CDC42BPG: variants seen among roughly 807,000 people sequenced by gnomAD.
The protein encoded by CDC42BPG is serine/threonine-protein kinase MRCK gamma.
Under a neutral mutation model 192.2 loss-of-function variants are expected in CDC42BPG, and 157 were observed. The observed-to-expected ratio is 0.82, with a 90% CI of 0.72 to 0.93. CDC42BPG has a LOEUF of 0.93. Among genes scored for constraint, CDC42BPG ranks in the 40% least tolerant of loss-of-function variants. The probability of loss-of-function intolerance (pLI) is 0.00; values close to 1 mark genes in which losing one functional copy is unlikely to be tolerated. For missense variants in CDC42BPG, 1,992 were observed against 2,122.1 expected, an observed-to-expected ratio of 0.94 and a Z score of 1.20; for synonymous variants, 981 against 918.5, an observed-to-expected ratio of 1.07 and a Z score of -1.23.
Position 64,834,874 on chromosome 11 carries a change from G to A in CDC42BPG, c.2150C>T (p.Thr717Ile). 6.2e-7 allele frequency: 1 copy of A among 1,613,814 alleles called. No individual in the cohort carries two copies. The highest frequency in any genetic ancestry group is 1.1e-5 in the South Asian group (1 of 91,068). The change falls in exon 18 of 37, where the codon ACC (threonine) becomes ATC (isoleucine). Residue 717 changes from threonine (T) to isoleucine (I), a missense_variant. Transcript: ENST00000342711. The stretch of plus-strand genomic sequence containing the variant: ...CAGTGGCCGGGCAGGGAGCGTCTGG[G>A]TGCCTACGTTCCTCAAGGACTCCAG... The part of the protein sequence containing the change: ...EELESLRNVG[T>I]QTLPARPLDH...
At chr11:64,827,909 C>A in intron 30 of CDC42BPG, 126 bp from the exon 31 acceptor site, 6 of 748,912 alleles carry the variant, frequency 8.0e-6, no homozygotes, top group Non-Finnish European at 1.3e-5. Flanking sequence ...GACTCCCTGT[C>A]GCCCGGCCCA....
intron 27 of CDC42BPG, among the ~76,000 whole-genome samples, chr11:64,832,104 C>T (rs1397495869): frequency 6.6e-6 from 1 of 152,232 alleles, no homozygotes; most frequent in African/African-American, 2.4e-5. Context: ...ATGTGGTGCA[C>T]ACAGGCACAG....
rs138884644 is a variant in CDC42BPG at position 64,829,858 on chromosome 11, C to T, written c.3580G>A (p.Val1194Met). ...TGGCGCTTGACGGCTACACAGAGCA[C>T]CGGGGTGCGGGCCTGCAGGATGCTT... ...AGSILQARTP[V>M]LCVAVKRQVL... The change falls in exon 30 of 37, where the codon GTG (valine) becomes ATG (methionine). Residue 1194 changes from valine (V) to methionine (M), a missense_variant. Transcript: ENST00000342711. 9.0e-5 allele frequency: 144 copies of T among 1,608,032 alleles called. No individual in the cohort carries two copies. Among genetic ancestry groups the T allele is most frequent in the Admixed American group, 6.7e-4 (39 of 58,410 alleles).
chr11:64,824,591 CT>C (rs1164146239), intron 36 of CDC42BPG, 62 bp from the exon 37 acceptor site: 1 of 1,199,082 alleles, frequency 8.3e-7, no homozygotes, highest in Non-Finnish European at 1.2e-6. Flanking sequence ...CCTCATAGGG[CT>C]GGTGGGTCCT....
rs779351880 is a variant in CDC42BPG, at chr11:64,840,524, TC to T, written c.432+28del. On this transcript the variant is annotated intron_variant, in intron 4 of 36. Transcript: ENST00000342711. ...GCCCTCTCCTGTGTCCCTAGGATGT[TC>T]CCCTCCAGCCCCGCCACGTATCCTC... The T allele has an allele frequency of 5.5e-5, 89 of 1,605,488 alleles. No homozygotes were observed. The South Asian group carries it at 9.8e-4, about 18-fold the overall frequency.
At position 64,831,545 on chromosome 11, in the gene CDC42BPG, C is replaced by A. The variant is rs763389278; in HGVS notation, c.3264G>T (p.Gly1088=). 3.1e-6 allele frequency: 5 copies of A among 1,611,600 alleles called. No individual in the cohort carries two copies. The African/African-American group carries it at 6.7e-5, about 22-fold the overall frequency. The part of the protein sequence containing the change: ...VYTLKEAYDN[G]LPLLPHTLCA... ...AGAGCGTGTGAGGCAGCAGCGGCAG[C>A]CCGTTGTCGTAAGCCTCCTTGAGTG... The change falls in exon 28 of 37, where the codon GGG becomes GGT. Residue 1088 remains glycine (G), a synonymous_variant. Transcript: ENST00000342711.
At position 64,834,274 on chromosome 11, in the gene CDC42BPG, C is replaced by A. The variant is rs1375349746; in HGVS notation, c.2405G>T (p.Gly802Val). ...AMLREELRAR[G>V]PVDTKPSNSL... The stretch of plus-strand genomic sequence containing the variant: ...AGTTGGCAGCCACTCACCCACTGGC[C>A]CTCGGGCCCGCAGCTCCTCCCGCAG... Residue 802 changes from glycine to valine, a missense_variant, in exon 20 of 37, where the codon GGG (glycine) becomes GTG (valine). By Grantham distance (109) the Gly-to-Val change is moderately radical. Coordinates refer to ENST00000342711, the MANE Select transcript of CDC42BPG (RefSeq NM_017525.3). 1 of 1,571,660 alleles carries A rather than the reference C, an allele frequency of 6.4e-7. No individual in the cohort carries two copies. Among genetic ancestry groups the A allele is most frequent in the Non-Finnish European group, 8.6e-7 (1 of 1,164,678 alleles).
At position 64,829,549 on chromosome 11, in the gene CDC42BPG, C is replaced by T. The variant is rs1445705603; in HGVS notation, c.3889G>A (p.Ala1297Thr). The change falls in exon 30 of 37, where the codon GCT (alanine) becomes ACT (threonine). Residue 1297 changes from alanine to threonine, a missense_variant. By Grantham distance (58) the Ala-to-Thr change is moderately conservative. Around this residue, in one of 2 missense-constraint regions of CDC42BPG, gnomAD observed 1,656 missense variants for 1,844.3 expected, o/e 0.90. Coordinates refer to ENST00000342711, the MANE Select transcript of CDC42BPG (RefSeq NM_017525.3). ...CCTGCGCCATCCACGTAGATGCCAG[C>T]AGTGGTGAAGAGTAGCAGGAACTCG... Reference protein sequence around the residue: ...LSEFLLLFTTAGIYVDGAGRK... With the variant: ...LSEFLLLFTTTGIYVDGAGRK... The T allele has an allele frequency of 1.9e-6, 3 of 1,612,786 alleles. No homozygotes were observed. In the Admixed American group the frequency reaches 5.0e-5, roughly 27 times the overall value.
At position 64,836,108 on chromosome 11, in the gene CDC42BPG, GT is replaced by G; in HGVS notation, c.1668+8del. ...CCAGGTGCTGTCCCTACCCACCCTG[GT>G]CACTCACCTCCCTCTGGGCAGCCCG... On this transcript the variant is annotated splice_region_variant and intron_variant, in intron 13 of 36. Coordinates refer to ENST00000342711, the MANE Select transcript of CDC42BPG (RefSeq NM_017525.3). 6.3e-7 allele frequency: 1 copy of G among 1,594,254 alleles called. No individual in the cohort carries two copies.
chr11:64,828,348 G>A (rs1312892846), intron 30 of CDC42BPG, among the ~76,000 whole-genome samples: 1 of 152,154 alleles, frequency 6.6e-6, no homozygotes, highest in Non-Finnish European at 1.5e-5. Context: ...TGCCACCCTG[G>A]GCTGGGGGCT....
At chr11:64,836,620 G>T (rs921734995) in intron 11 of CDC42BPG, 90 bp from the exon 12 acceptor site, 2 of 1,328,750 alleles carry the variant, frequency 1.5e-6, no homozygotes, top group Admixed American at 1.8e-5. Flanking sequence ...TCCCACACGC[G>T]GGCTCAGAGA....
intron 1 of CDC42BPG, among the ~76,000 whole-genome samples, chr11:64,842,294 C>T (rs1361366786): frequency 1.3e-5 from 2 of 152,192 alleles, no homozygotes; most frequent in African/African-American, 4.8e-5. Flanking sequence ...GGCCCCCTCA[C>T]AGGTTCAGGC....
intron 5 of CDC42BPG, 151 bp downstream of exon 5, chr11:64,839,969 G>T: frequency 1.3e-6 from 1 of 786,118 alleles, no homozygotes; most frequent in Non-Finnish European, 2.0e-6. Context: ...AGGGCTCTTT[G>T]GTATGATTCC....
rs770301966 is a variant in CDC42BPG at position 64,840,311 on chromosome 11, C to T, written c.433-43G>A. The T allele has an allele frequency of 5.6e-6, 9 of 1,597,752 alleles. No individual in the cohort carries two copies. In the East Asian group the frequency reaches 1.1e-4, roughly 20 times the overall value. On this transcript the variant is annotated intron_variant, in intron 4 of 36. Coordinates refer to ENST00000342711, the MANE Select transcript of CDC42BPG (RefSeq NM_017525.3). ...GAATCAGACCCGGGGGAAGGGTGCA[C>T]CTGGCCACTTCACCGCGGTCCCGCA...
At chr11:64,832,773 C>T (rs1005362543) in intron 25 of CDC42BPG, 30 bp from the exon 26 acceptor site, 1 of 1,593,624 alleles carries the variant, frequency 6.3e-7, no homozygotes. Context: ...GGGAGGGCTG[C>T]AGGGACCCTC....
At chr11:64,836,557 G>T (rs374624825) in intron 11 of CDC42BPG, 27 bp from the exon 12 acceptor site, 2 of 1,592,222 alleles carry the variant, frequency 1.3e-6, no homozygotes, top group Admixed American at 3.3e-5. Flanking sequence ...CTGAGACCTC[G>T]AGTGCTGGCG....
chr11:64,832,729 T>C lies in CDC42BPG; in HGVS notation c.2880A>G (p.Ser960=), dbSNP rs1350191033. 6.2e-7 allele frequency: 1 copy of C among 1,608,410 alleles called. No homozygotes were observed. The highest frequency in any genetic ancestry group is 1.7e-5 in the Admixed American group (1 of 59,448). ...CGCGCTGCCAGCCCCGCCGGACACC[T>C]GAGGGCCGCGGCACCTGGCGGAAAG... ...YEGFLSVPRP[S]GVRRGWQRVF... The change falls in exon 26 of 37, where the codon TCA becomes TCG. Residue 960 remains serine (S), a synonymous_variant. Transcript: ENST00000342711.
intron 1 of CDC42BPG, 109 bp from the exon 2 acceptor site, chr11:64,842,013 ACCT>A: frequency 1.2e-6 from 1 of 862,330 alleles, no homozygotes; most frequent in Non-Finnish European, 1.9e-6. Flanking sequence ...GGCAGGGATG[ACCT>A]CCCCAGGGAC....
At chr11:64,833,026 G>T in intron 24 of CDC42BPG, 67 bp from the exon 25 acceptor site, 1 of 1,475,122 alleles carries the variant, frequency 6.8e-7, no homozygotes, top group Non-Finnish European at 9.0e-7. Flanking sequence ...CCAGGACGGG[G>T]GCATGTCCAG....
Sources: allele counts gnomAD v4.1 joint callset (sites outside exome capture counted in the v4.1 genomes callset), GRCh38; gene constraint gnomAD v4.1.1; regional missense constraint gnomAD v4.1.1; transcripts MANE v1.5; gene names NCBI Gene and HGNC (gene_info 2026-07-23, HGNC 2026-07-21).